The following SERGEF variants were observed in gnomAD, a reference collection of about 807,000 sequenced individuals.
The protein encoded by SERGEF is secretion regulating guanine nucleotide exchange factor, also known as secretion-regulating guanine nucleotide exchange factor.
A neutral mutation model predicts 50.0 loss-of-function variants in SERGEF; 51 were observed. The observed-to-expected ratio is 1.02, with a 90% CI of 0.81 to 1.29. The LOEUF is 1.29. Ranked by LOEUF, SERGEF falls within the 50% of genes most tolerant of loss-of-function variation. The probability of loss-of-function intolerance (pLI) is 0.00; values close to 1 mark genes in which losing one functional copy is unlikely to be tolerated. For missense variants in SERGEF, 521 were observed against 557.0 expected (o/e 0.94, Z 0.65); for synonymous variants, 205 against 212.4 (o/e 0.97, Z 0.30).
chr11:17,843,158 G>T (rs1565182751), intron 10 of SERGEF, among the ~76,000 whole-genome samples: 1 of 152,170 alleles, frequency 6.6e-6, no homozygotes, highest in Non-Finnish European at 1.5e-5. Context: ...TTGAGCAAGT[G>T]GGGATCCACC....
chr11:17,894,641 T>C (rs1473456486), intron 9 of SERGEF, among the ~76,000 whole-genome samples: 1 of 152,148 alleles, frequency 6.6e-6, no homozygotes, highest in Non-Finnish European at 1.5e-5. Context: ...TAGGTCTTAA[T>C]GAGATGTTTG....
At chr11:17,910,790 CT>C (rs1443140455) in intron 9 of SERGEF, among the ~76,000 whole-genome samples, 29 of 5,920 alleles carry the variant, frequency 4.9e-3, no homozygotes, top group African/African-American at 0.011. Context: ...CTGAAAGCCA[CT>C]TTAAAAAAAA....
chr11:17,817,068 G>A (rs1849987121), intron 10 of SERGEF, among the ~76,000 whole-genome samples: 1 of 152,128 alleles, frequency 6.6e-6, no homozygotes, highest in Non-Finnish European at 1.5e-5. Flanking sequence ...GTGTTGCTCT[G>A]TCAAAAAGAG....
At chr11:18,007,037 T>C (rs1854088535) in intron 2 of SERGEF, among the ~76,000 whole-genome samples, 1 of 152,252 alleles carries the variant, frequency 6.6e-6, no homozygotes, top group Non-Finnish European at 1.5e-5. Context: ...ATTGAGAACG[T>C]GCCAGGTACT....
At chr11:17,870,211 G>A (rs1052395699) in intron 10 of SERGEF, among the ~76,000 whole-genome samples, 1 of 152,154 alleles carries the variant, frequency 6.6e-6, no homozygotes, top group African/African-American at 2.4e-5. Context: ...ACTGAACTGT[G>A]AGTCAATTAA....
At chr11:17,966,106 A>G (rs1199942344) in intron 8 of SERGEF, among the ~76,000 whole-genome samples, 1 of 152,208 alleles carries the variant, frequency 6.6e-6, no homozygotes, top group African/African-American at 2.4e-5. Flanking sequence ...AATGCCTCTA[A>G]TGATAATCAA....
chr11:17,923,612 G>GTGACTGCAGATGGACTAAT (rs769004665), intron 9 of SERGEF, among the ~76,000 whole-genome samples: 232 of 152,328 alleles, frequency 1.5e-3, no homozygotes, highest in Middle Eastern at 3.4e-3. Flanking sequence ...CACTGGGAAG[G>GTGACTGCAGATGGACTAAT]GAGGTGTTGC....
intron 9 of SERGEF, among the ~76,000 whole-genome samples, chr11:17,932,576 G>A (rs1469449518): frequency 3.3e-5 from 5 of 152,114 alleles, no homozygotes; most frequent in Admixed American, 6.6e-5. Context: ...AGAAAGATGG[G>A]AGGATCAGCC....
intron 10 of SERGEF, among the ~76,000 whole-genome samples, chr11:17,842,656 T>C (rs571992930): frequency 6.6e-6 from 1 of 152,276 alleles, no homozygotes; most frequent in Non-Finnish European, 1.5e-5. Context: ...TACTGCCCTA[T>C]AAAATGAGCT....
intron 3 of SERGEF, among the ~76,000 whole-genome samples, chr11:18,006,081 T>C (rs1362391427): frequency 2.0e-5 from 3 of 152,232 alleles, no homozygotes; most frequent in Non-Finnish European, 2.9e-5. Context: ...CAGTCTCCTT[T>C]ACCGTTAAAC....
At chr11:17,936,506 G>C (rs1852455296) in intron 9 of SERGEF, among the ~76,000 whole-genome samples, 1 of 152,108 alleles carries the variant, frequency 6.6e-6, no homozygotes, top group Admixed American at 6.5e-5. Flanking sequence ...TTTTCAATGT[G>C]TTTTCATATT....
intron 9 of SERGEF, among the ~76,000 whole-genome samples, chr11:17,896,997 T>G (rs1851659229): frequency 6.6e-6 from 1 of 151,810 alleles, no homozygotes. Context: ...AAAATAAAGC[T>G]CTACCAAAAA....
intron 9 of SERGEF, chr11:17,926,623 C>T (rs1361596947): frequency 2.5e-6 from 1 of 398,014 alleles, no homozygotes; most frequent in East Asian, 7.1e-5. Context: ...CTGCCTTATT[C>T]TAGAAACCAT....
At chr11:17,922,117 C>G (rs4393297) in intron 9 of SERGEF, among the ~76,000 whole-genome samples, 54,015 of 152,108 alleles carry the variant, frequency 0.36, 10,186 homozygotes, top group East Asian at 0.49. Context: ...AACGTCTGAA[C>G]ATGCTGAGTC....
At chr11:18,000,368 G>T in intron 5 of SERGEF, 129 bp downstream of exon 5, 1 of 617,452 alleles carries the variant, frequency 1.6e-6, no homozygotes. Context: ...TAGACAGCTT[G>T]GGCTCAGGAG....
intron 8 of SERGEF, among the ~76,000 whole-genome samples, chr11:17,983,402 G>C (rs911511930): frequency 1.3e-5 from 2 of 152,166 alleles, no homozygotes; most frequent in Admixed American, 1.3e-4. Context: ...GATATAAAGA[G>C]AAGAAATGGA....
chr11:17,949,019 T>C (rs970880168), intron 9 of SERGEF, among the ~76,000 whole-genome samples: 12 of 152,234 alleles, frequency 7.9e-5, no homozygotes, highest in African/African-American at 2.9e-4. Context: ...AAGGGAATTA[T>C]GTAACCATAC....
At chr11:17,961,363 C>T (rs1162513745) in intron 8 of SERGEF, among the ~76,000 whole-genome samples, 2 of 152,180 alleles carry the variant, frequency 1.3e-5, no homozygotes, top group South Asian at 2.1e-4. Flanking sequence ...CCTGAGCTGG[C>T]TAGGATTTCT....
chr11:17,978,960 C>T lies in SERGEF; in HGVS notation c.844+9637G>A, dbSNP rs111813605. The stretch of plus-strand genomic sequence containing the variant: ...TGCTTCTGCTTCAGGTGCACACATG[C>T]TACACTTCTCTAGACCACAGATCAA... On this transcript the variant is annotated intron_variant, in intron 8 of 10. Coordinates refer to ENST00000265965, the MANE Select transcript of SERGEF (RefSeq NM_012139.4). 2.7e-3 allele frequency among the ~76,000 whole-genome samples: 410 copies of T among 152,316 alleles called. 3 individuals carry two copies. Among genetic ancestry groups the T allele is most frequent in the African/African-American group, 9.4e-3 (391 of 41,568 alleles).
Sources: gnomAD v4.1 joint callset for allele counts (sites outside exome capture counted in the v4.1 genomes callset) on GRCh38, gnomAD v4.1.1 for gene constraint, MANE v1.5 for transcripts, NCBI Gene and HGNC (gene_info 2026-07-23, HGNC 2026-07-21) for gene names.